RP1: variants seen among roughly 807,000 people sequenced by gnomAD.
RP1 encodes the protein RP1 axonemal microtubule associated, also known as oxygen-regulated protein 1.
Under a neutral mutation model 14.8 loss-of-function variants are expected in RP1, and 16 were observed. That is an observed-to-expected ratio of 1.08 (90% CI 0.73 to 1.65). RP1 has a LOEUF of 1.65. Among genes scored for constraint, RP1 ranks in the 40% most tolerant of loss-of-function variants. The pLI, the probability that RP1 is intolerant of heterozygous loss-of-function variation, is 0.00. For missense variants in RP1, 2,631 were observed against 2,535.0 expected (o/e 1.04, Z -0.81); for synonymous variants, 876 against 883.6 (o/e 0.99, Z 0.15).
intron 1 of RP1, among the ~76,000 whole-genome samples, chr8:54,587,265 A>G (rs1804953081): frequency 3.3e-5 from 5 of 152,160 alleles, no homozygotes. Flanking sequence ...GTCACTACTA[A>G]AAATACAAAA....
intron 6 of RP1, among the ~76,000 whole-genome samples, chr8:54,661,675 G>A (rs968701841): frequency 6.6e-6 from 1 of 152,042 alleles, no homozygotes; most frequent in Non-Finnish European, 1.5e-5. Context: ...GTGCAGAACC[G>A]TGTTTGAATT....
At chr8:54,862,638 C>T (rs559014194) in intron 27 of RP1, among the ~76,000 whole-genome samples, 5 of 152,158 alleles carry the variant, frequency 3.3e-5, no homozygotes, top group Admixed American at 2.0e-4. Flanking sequence ...GGTCCTTCCA[C>T]CTTGCTATTC....
chr8:54,587,425 CAAAAA>C (rs568598595), intron 1 of RP1, among the ~76,000 whole-genome samples: 4 of 94,998 alleles, frequency 4.2e-5, no homozygotes, highest in Admixed American at 1.2e-4. Context: ...GACCCTGTCT[CAAAAA>C]AAAAAAAAAA....
At chr8:54,725,708 C>T (rs1360142281) in intron 16 of RP1, among the ~76,000 whole-genome samples, 3 of 152,102 alleles carry the variant, frequency 2.0e-5, no homozygotes, top group East Asian at 3.8e-4. Context: ...TGAATTACCA[C>T]CATTTAAAAA....
chr8:54,583,615 G>C (rs1308739526), intron 1 of RP1, among the ~76,000 whole-genome samples: 6 of 152,180 alleles, frequency 3.9e-5, no homozygotes, highest in African/African-American at 7.2e-5. Flanking sequence ...ATTCGGCTGT[G>C]AATCCATCTG....
chr8:54,599,260 T>C (rs1203544792), intron 1 of RP1, among the ~76,000 whole-genome samples: 1 of 152,222 alleles, frequency 6.6e-6, no homozygotes, highest in Non-Finnish European at 1.5e-5. Context: ...TTTTAAAATT[T>C]TGATTACTGT....
chr8:54,838,586 C>T (rs113265246), intron 25 of RP1, among the ~76,000 whole-genome samples: 18 of 151,902 alleles, frequency 1.2e-4, no homozygotes, highest in African/African-American at 2.2e-4. Context: ...TATGTATGTG[C>T]GTGACTGAAT....
chr8:54,703,349 G>A (rs557945917), intron 14 of RP1, among the ~76,000 whole-genome samples: 11 of 152,236 alleles, frequency 7.2e-5, no homozygotes, highest in East Asian at 1.9e-4. Flanking sequence ...CTCCTTGTAC[G>A]TGTCCATCAG....
At chr8:54,616,689 T>C (rs1036651560) in intron 1 of RP1, among the ~76,000 whole-genome samples, 2 of 152,246 alleles carry the variant, frequency 1.3e-5, no homozygotes, top group Non-Finnish European at 2.9e-5. Flanking sequence ...AGAATGAACA[T>C]TCTGTACATT....
intron 25 of RP1, among the ~76,000 whole-genome samples, chr8:54,840,356 G>A (rs1458495878): frequency 4.6e-5 from 7 of 151,850 alleles, no homozygotes; most frequent in Admixed American, 4.6e-4. Context: ...AGGTTCAAGC[G>A]ATTCTCCTGC....
chr8:54,716,423 C>A (rs1808405415), intron 15 of RP1, among the ~76,000 whole-genome samples: 1 of 151,960 alleles, frequency 6.6e-6, no homozygotes, highest in African/African-American at 2.4e-5. Flanking sequence ...AAAAAAAAAT[C>A]ATGGAAAAAG....
intron 22 of RP1, among the ~76,000 whole-genome samples, chr8:54,763,158 A>G (rs1269674787): frequency 6.6e-6 from 1 of 152,254 alleles, no homozygotes; most frequent in Non-Finnish European, 1.5e-5. Context: ...CTGTGTTACC[A>G]AACTTGAACT....
At chr8:54,624,642 G>A (rs756538093) in intron 3 of RP1, 28 bp from the exon 4 acceptor site, 3 of 1,610,720 alleles carry the variant, frequency 1.9e-6, no homozygotes, top group Non-Finnish European at 2.5e-6. Flanking sequence ...TTTGATGTGG[G>A]CACCTTTTAC....
In RP1 at chr8:54,629,671, A is replaced by T; in HGVS notation, c.5789A>T (p.Glu1930Val). The change falls in exon 4 of 4, where the codon GAG becomes GTG. Residue 1930 changes from glutamate to valine, a missense_variant. By Grantham distance (121) the Glu-to-Val change is moderately radical. Transcript: ENST00000220676. ...ILTVIIQPMN[E>V]EDRGFAYRKE... is the part of the protein sequence containing the mutation. Reference sequence around the variant, plus strand: ...ACTGTTATTATCCAACCCATGAATGAGGAAGACCGAGGATTTGCATATCGC... The same window carrying T: ...ACTGTTATTATCCAACCCATGAATGTGGAAGACCGAGGATTTGCATATCGC... The T allele has an allele frequency of 6.2e-7, 1 of 1,613,774 alleles. No homozygotes were observed. The highest frequency in any genetic ancestry group is 8.5e-7 in the Non-Finnish European group (1 of 1,179,934).
At chr8:54,848,936 A>T (rs1811994026) in intron 25 of RP1, among the ~76,000 whole-genome samples, 1 of 152,050 alleles carries the variant, frequency 6.6e-6, no homozygotes, top group Admixed American at 6.6e-5. Context: ...TTTAGTAGAG[A>T]TGGGGTTTCT....
At chr8:54,743,291 A>T (rs1809144852) in intron 19 of RP1, among the ~76,000 whole-genome samples, 1 of 152,186 alleles carries the variant, frequency 6.6e-6, no homozygotes, top group Non-Finnish European at 1.5e-5. Flanking sequence ...ATTTACTGAC[A>T]TGAAGTCCAT....
In RP1 at chr8:54,695,246, G is replaced by A. The variant is rs550202621; in HGVS notation, c.1718-4221G>A. Among the ~76,000 whole-genome samples, 5 of 151,628 alleles carry A rather than the reference G, an allele frequency of 3.3e-5. No individual in the cohort carries two copies. In the East Asian group the frequency reaches 7.8e-4, roughly 24 times the overall value. ...AGGAATGCTTTACTTCTTAAAATCG[G>A]GACCCTTAATTTTTTTTTTCTCAGC... On this transcript the variant is annotated intron_variant, in intron 12 of 22. Transcript: ENST00000636932.
intron 6 of RP1, among the ~76,000 whole-genome samples, chr8:54,659,917 A>G (rs1393676985): frequency 6.6e-6 from 1 of 152,176 alleles, no homozygotes; most frequent in South Asian, 2.1e-4. Context: ...TTCACTGTAC[A>G]TATCTTTTGC....
Position 54,629,639 on chromosome 8 carries a change from A to C in RP1, c.5757A>C (p.Pro1919=). 6.2e-7 allele frequency: 1 copy of C among 1,613,976 alleles called. No homozygotes were observed. The highest frequency in any genetic ancestry group is 8.5e-7 in the Non-Finnish European group (1 of 1,180,004). Residue 1919 remains proline, a synonymous_variant, in exon 4 of 4, where the codon CCA becomes CCC. Coordinates refer to ENST00000220676, the MANE Select transcript of RP1 (RefSeq NM_006269.2). ...KLYALCGQHC[P]ILTVIIQPMN... The stretch of plus-strand genomic sequence containing the variant: ...ATGCTCTTTGTGGTCAACATTGCCC[A>C]ATACTAACTGTTATTATCCAACCCA...
Sources: gnomAD v4.1 joint callset for allele counts (sites outside exome capture counted in the v4.1 genomes callset) on GRCh38, gnomAD v4.1.1 for gene constraint, MANE v1.5 for transcripts, NCBI Gene and HGNC (gene_info 2026-07-23, HGNC 2026-07-21) for gene names.